Variants in FRMD4A observed in about 807,000 individuals in gnomAD.
FRMD4A encodes the protein FERM domain-containing protein 4A.
A neutral mutation model predicts 129.1 loss-of-function variants in FRMD4A; 29 were observed. That is an observed-to-expected ratio of 0.22 (90% confidence interval 0.17 to 0.31). The LOEUF (loss-of-function observed/expected upper bound fraction) is 0.31, where lower values mean the gene tolerates loss of function less well. FRMD4A is among the 10% of genes least tolerant of loss of function. FRMD4A has a pLI of 1.00. For synonymous variants in FRMD4A, 634 were observed against 571.6 expected (o/e 1.11, Z -1.56); for missense variants, 1,272 against 1,375.8 (o/e 0.92, Z 1.19).
At chr10:13,743,951 A>G (rs7099435) in intron 9 of FRMD4A, among the ~76,000 whole-genome samples, 6,123 of 152,224 alleles carry the variant, frequency 0.04, 425 homozygotes, top group African/African-American at 0.14. Context: ...TCCAGGAAGC[A>G]GAGTAAGTGC....
intron 15 of FRMD4A, among the ~76,000 whole-genome samples, chr10:13,679,458 A>AAAAAAAT (rs1554838339): frequency 1.6e-4 from 4 of 24,552 alleles, no homozygotes; most frequent in Admixed American, 4.9e-4. Context: ...AAAAAAAAAA[A>AAAAAAAT]AAATATATAT....
At chr10:14,257,011 C>T (rs1380059167) in intron 2 of FRMD4A, among the ~76,000 whole-genome samples, 2 of 151,998 alleles carry the variant, frequency 1.3e-5, no homozygotes, top group Non-Finnish European at 2.9e-5. Context: ...TACCATACTC[C>T]AAAATTTACT....
intron 3 of FRMD4A, among the ~76,000 whole-genome samples, chr10:13,813,776 C>T (rs1024472970): frequency 6.6e-6 from 1 of 152,204 alleles, no homozygotes; most frequent in South Asian, 2.1e-4. Context: ...TATTGTACCG[C>T]GTACTGCTAG....
At chr10:13,932,795 C>G (rs1004585542) in intron 2 of FRMD4A, among the ~76,000 whole-genome samples, 3 of 152,088 alleles carry the variant, frequency 2.0e-5, no homozygotes, top group African/African-American at 7.2e-5. Context: ...AGCACAATAA[C>G]CCAATGTGGG....
intron 2 of FRMD4A, among the ~76,000 whole-genome samples, chr10:14,182,879 G>T (rs191409461): frequency 1.3e-5 from 2 of 152,190 alleles, no homozygotes; most frequent in Non-Finnish European, 2.9e-5. Context: ...GGAAGCAAAC[G>T]TTGGGAGAAG....
chr10:13,981,938 T>C (rs1198367622), intron 2 of FRMD4A, among the ~76,000 whole-genome samples: 2 of 152,040 alleles, frequency 1.3e-5, no homozygotes, highest in African/African-American at 4.8e-5. Flanking sequence ...CCGGATTATA[T>C]GTATTGGGGC....
intron 12 of FRMD4A, among the ~76,000 whole-genome samples, chr10:13,718,502 C>T (rs2089093957): frequency 6.6e-6 from 1 of 152,228 alleles, no homozygotes; most frequent in Admixed American, 6.5e-5. Flanking sequence ...TACGGATCCT[C>T]TTGCGGGAGC....
intron 2 of FRMD4A, among the ~76,000 whole-genome samples, chr10:14,057,277 A>C (rs1834579277): frequency 6.6e-6 from 1 of 152,260 alleles, no homozygotes. Context: ...CAATAAATAC[A>C]GGAACATGAT....
intron 8 of FRMD4A, among the ~76,000 whole-genome samples, chr10:13,757,113 G>A (rs1269233734): frequency 3.3e-5 from 5 of 152,228 alleles, no homozygotes; most frequent in African/African-American, 4.8e-5. Context: ...GGTCAACAGC[G>A]ATTATCGAAA....
At chr10:14,215,532 A>G (rs1843047812) in intron 2 of FRMD4A, among the ~76,000 whole-genome samples, 2 of 152,208 alleles carry the variant, frequency 1.3e-5, no homozygotes, top group Admixed American at 1.3e-4. Context: ...GTAATTTTAT[A>G]CTTTGCAGGC....
intron 21 of FRMD4A, among the ~76,000 whole-genome samples, chr10:13,657,946 T>C (rs1323103069): frequency 1.3e-5 from 2 of 151,602 alleles, no homozygotes; most frequent in Non-Finnish European, 2.9e-5. Flanking sequence ...TTTGAGACCA[T>C]CCTGTGCAAC....
At chr10:14,011,681 T>A (rs1272438000) in intron 2 of FRMD4A, among the ~76,000 whole-genome samples, 1 of 151,684 alleles carries the variant, frequency 6.6e-6, no homozygotes, top group Non-Finnish European at 1.5e-5. Flanking sequence ...ACCAAAGGAA[T>A]GGGAAATGGT....
At chr10:13,868,694 G>C (rs1157861001) in intron 2 of FRMD4A, among the ~76,000 whole-genome samples, 1 of 152,198 alleles carries the variant, frequency 6.6e-6, no homozygotes, top group Non-Finnish European at 1.5e-5. Context: ...AGCTACTCGG[G>C]AGGCTGAGGT....
intron 2 of FRMD4A, among the ~76,000 whole-genome samples, chr10:13,936,103 A>G (rs191543940): frequency 2.3e-3 from 346 of 152,378 alleles, no homozygotes; most frequent in Middle Eastern, 6.8e-3. Flanking sequence ...ATTGAATAAG[A>G]TAAACAAAAG....
In FRMD4A at chr10:13,659,507, G is replaced by A. The variant is rs749624986; in HGVS notation, c.1899-17C>T. ...TTGTGGCTGCTGCAAAGCCAAGGATGCCACGTGGTCACCGCCAGACAGACA... is the reference window on the plus strand; with the variant it reads ...TTGTGGCTGCTGCAAAGCCAAGGATACCACGTGGTCACCGCCAGACAGACA... On this transcript the variant is annotated splice_polypyrimidine_tract_variant and intron_variant, in intron 20 of 24. Transcript: ENST00000357447. 1.6e-5 allele frequency: 26 copies of A among 1,606,692 alleles called. No homozygotes were observed. Among genetic ancestry groups the A allele is most frequent in the Non-Finnish European group, 2.2e-5 (26 of 1,175,606 alleles).
chr10:13,827,097 C>T (rs2093712524), intron 3 of FRMD4A, among the ~76,000 whole-genome samples: 1 of 152,140 alleles, frequency 6.6e-6, no homozygotes, highest in Non-Finnish European at 1.5e-5. Context: ...CCATTGAAGA[C>T]GGTGAGGCAT....
At chr10:14,328,659 T>TGTGTGC (rs398054139) in intron 2 of FRMD4A, among the ~76,000 whole-genome samples, 72 of 143,322 alleles carry the variant, frequency 5.0e-4, no homozygotes, top group Admixed American at 5.7e-4. Flanking sequence ...TGTGTGTGTG[T>TGTGTGC]GCATATGTGT....
intron 2 of FRMD4A, among the ~76,000 whole-genome samples, chr10:13,864,152 C>T (rs374630759): frequency 6.6e-6 from 1 of 151,320 alleles, no homozygotes; most frequent in African/African-American, 2.4e-5. Flanking sequence ...CCTGCCAACA[C>T]GCTCCTGTAA....
At chr10:13,754,673 T>A (rs1179920195) in intron 8 of FRMD4A, among the ~76,000 whole-genome samples, 1 of 152,136 alleles carries the variant, frequency 6.6e-6, no homozygotes, top group East Asian at 1.9e-4. Context: ...TTCTTTGGGC[T>A]GTTAGGTGTG....
Sources: gnomAD v4.1 joint callset for allele counts (sites outside exome capture counted in the v4.1 genomes callset) on GRCh38, gnomAD v4.1.1 for gene constraint, MANE v1.5 for transcripts, NCBI Gene and HGNC (gene_info 2026-07-23, HGNC 2026-07-21) for gene names.